The following CNTN4 variants were observed in gnomAD, a reference collection of about 807,000 sequenced individuals.
CNTN4 encodes the protein contactin 4, also known as contactin-4.
CNTN4 carries 77 observed loss-of-function variants against 122.5 expected under a neutral mutation model. That is an observed-to-expected ratio of 0.63 (90% CI 0.52 to 0.76). The LOEUF (loss-of-function observed/expected upper bound fraction) is 0.76, where lower values mean the gene tolerates loss of function less well. CNTN4 is among the 30% of genes least tolerant of loss of function. The pLI, the probability that CNTN4 is intolerant of heterozygous loss-of-function variation, is 0.00. For missense variants in CNTN4, 1,256 were observed against 1,259.1 expected (o/e 1.00, Z 0.04); for synonymous variants, 512 against 447.0 (o/e 1.15, Z -1.83).
intron 13 of CNTN4, among the ~76,000 whole-genome samples, chr3:2,954,857 T>C (rs1046344552): frequency 6.6e-6 from 1 of 152,168 alleles, no homozygotes; most frequent in Non-Finnish European, 1.5e-5. Context: ...TCTTGGTTTT[T>C]GTTCTCTAAT....
chr3:2,286,264 A>G (rs1288984981), intron 2 of CNTN4, among the ~76,000 whole-genome samples: 1 of 148,674 alleles, frequency 6.7e-6, no homozygotes, highest in Non-Finnish European at 1.5e-5. Flanking sequence ...ACATACAAAT[A>G]CATATTTGGA....
chr3:2,784,285 C>A (rs1044264608), intron 6 of CNTN4, among the ~76,000 whole-genome samples: 1 of 152,112 alleles, frequency 6.6e-6, no homozygotes, highest in African/African-American at 2.4e-5. Context: ...TCTCCCTTAC[C>A]GCCTATACTG....
intron 6 of CNTN4, among the ~76,000 whole-genome samples, chr3:2,763,650 A>C (rs2149709853): frequency 6.6e-6 from 1 of 152,162 alleles, no homozygotes; most frequent in South Asian, 2.1e-4. Context: ...CCTTCAGTTA[A>C]TTTTTGTGTA....
At chr3:2,775,270 T>C (rs1051281339) in intron 6 of CNTN4, among the ~76,000 whole-genome samples, 3 of 152,122 alleles carry the variant, frequency 2.0e-5, no homozygotes, top group African/African-American at 7.2e-5. Flanking sequence ...TATGAATCTG[T>C]TTTCAAGCCT....
rs552328496 is a variant in CNTN4, at chr3:2,600,542, A to G, written c.55+28984A>G. Reference sequence around the variant, plus strand: ...AAAGGACATGAACTCATCATTTTCTATGGCTGCATAGTATTCCATGGTGTC... The same window carrying G: ...AAAGGACATGAACTCATCATTTTCTGTGGCTGCATAGTATTCCATGGTGTC... On this transcript the variant is annotated intron_variant, in intron 4 of 24. Transcript: ENST00000418658. Among the ~76,000 whole-genome samples the G allele has an allele frequency of 7.2e-5, 11 of 152,284 alleles. No homozygotes were observed. The East Asian group carries it at 1.7e-3, about 24-fold the overall frequency.
intron 6 of CNTN4, among the ~76,000 whole-genome samples, chr3:2,797,789 C>G (rs972855977): frequency 6.6e-6 from 1 of 152,076 alleles, no homozygotes; most frequent in Non-Finnish European, 1.5e-5. Context: ...TAAGATTATT[C>G]TGTGGAAGAC....
chr3:2,360,523 A>G (rs1217461501), intron 3 of CNTN4, among the ~76,000 whole-genome samples: 4 of 152,200 alleles, frequency 2.6e-5, no homozygotes, highest in African/African-American at 9.7e-5. Flanking sequence ...GTCCATTTTC[A>G]TGCTGCTATA....
chr3:2,798,683 G>A (rs1400911862), intron 6 of CNTN4, among the ~76,000 whole-genome samples: 1 of 151,956 alleles, frequency 6.6e-6, no homozygotes, highest in Middle Eastern at 3.2e-3. Flanking sequence ...CTGTTTTTTT[G>A]TATTTTTAGT....
At chr3:2,371,464 G>GC (rs1341597511) in intron 3 of CNTN4, among the ~76,000 whole-genome samples, 2 of 414 alleles carry the variant, frequency 4.8e-3, no homozygotes, top group Non-Finnish European at 0.01. Context: ...ATTTATCCTT[G>GC]CATCTGTCTG....
chr3:2,794,124 G>C (rs2092096419), intron 6 of CNTN4, among the ~76,000 whole-genome samples: 1 of 152,028 alleles, frequency 6.6e-6, no homozygotes, highest in African/African-American at 2.4e-5. Flanking sequence ...TCTTTTAATA[G>C]TTTGGAACAA....
intron 10 of CNTN4, among the ~76,000 whole-genome samples, chr3:2,894,258 A>G (rs2094080160): frequency 6.6e-6 from 1 of 152,202 alleles, no homozygotes; most frequent in Admixed American, 6.5e-5. Flanking sequence ...TTGGAAAGAG[A>G]GGACATAATG....
intron 2 of CNTN4, among the ~76,000 whole-genome samples, chr3:2,304,817 G>C (rs1233920926): frequency 1.3e-5 from 2 of 150,438 alleles, no homozygotes; most frequent in Non-Finnish European, 1.5e-5. Flanking sequence ...CCATTGTAAT[G>C]TATGTGGCTT....
chr3:2,112,936 T>G (rs1313658042), intron 2 of CNTN4, among the ~76,000 whole-genome samples: 2 of 152,106 alleles, frequency 1.3e-5, no homozygotes, highest in Admixed American at 1.3e-4. Context: ...TTCTCCCCTG[T>G]TAGGTAATTT....
intron 3 of CNTN4, among the ~76,000 whole-genome samples, chr3:2,452,823 G>A (rs1011485743): frequency 6.6e-6 from 1 of 152,000 alleles, no homozygotes; most frequent in Non-Finnish European, 1.5e-5. Context: ...CAATGTCAGG[G>A]AAAGGGAATA....
intron 4 of CNTN4, among the ~76,000 whole-genome samples, chr3:2,705,186 G>T (rs1390080582): frequency 2.0e-5 from 3 of 150,876 alleles, no homozygotes; most frequent in Non-Finnish European, 4.4e-5. Flanking sequence ...GGCTAACATG[G>T]TGAAACCCCG....
intron 14 of CNTN4, among the ~76,000 whole-genome samples, chr3:3,006,048 G>T (rs1271707353): frequency 2.0e-5 from 3 of 151,854 alleles, no homozygotes; most frequent in Non-Finnish European, 4.4e-5. Flanking sequence ...CCCACGCTCG[G>T]CTAATTTTTT....
intron 3 of CNTN4, among the ~76,000 whole-genome samples, chr3:2,412,312 C>T (rs1026731111): frequency 3.3e-5 from 5 of 151,600 alleles, no homozygotes; most frequent in East Asian, 1.9e-4. Flanking sequence ...AGTGCAGTGG[C>T]GCTATCTCGG....
chr3:2,299,093 C>G (rs545987649), intron 2 of CNTN4, among the ~76,000 whole-genome samples: 99 of 152,178 alleles, frequency 6.5e-4, no homozygotes, highest in African/African-American at 2.2e-3. Context: ...TGTACACAGA[C>G]AAGTAACTGT....
chr3:2,515,671 C>A (rs993746102), intron 3 of CNTN4, among the ~76,000 whole-genome samples: 2 of 152,074 alleles, frequency 1.3e-5, no homozygotes, highest in African/African-American at 4.8e-5. Context: ...TTGAAAACAG[C>A]AGATGAAGAA....
Sources: gnomAD v4.1 joint callset for allele counts (sites outside exome capture counted in the v4.1 genomes callset) on GRCh38, gnomAD v4.1.1 for gene constraint, MANE v1.5 for transcripts, NCBI Gene and HGNC (gene_info 2026-07-23, HGNC 2026-07-21) for gene names.